Variants in DAAM1 observed in about 807,000 individuals in gnomAD.
The protein encoded by DAAM1 is dishevelled associated activator of morphogenesis 1.
A neutral mutation model predicts 130.0 loss-of-function variants in DAAM1; 52 were observed. The ratio of observed to expected loss-of-function variants is 0.40; its 90% CI spans 0.32 to 0.50. DAAM1 has a LOEUF of 0.50. DAAM1 is among the 20% of genes least tolerant of loss of function. The probability of loss-of-function intolerance (pLI) is 0.61; values close to 1 mark genes in which losing one functional copy is unlikely to be tolerated. For synonymous variants in DAAM1, 452 were observed against 444.5 expected, an observed-to-expected ratio of 1.02 and a Z score of -0.21; for missense variants, 1,134 against 1,303.8, an observed-to-expected ratio of 0.87 and a Z score of 2.01.
At chr14:59,191,876 C>T (rs1316393332) in intron 1 of DAAM1, among the ~76,000 whole-genome samples, 2 of 152,144 alleles carry the variant, frequency 1.3e-5, no homozygotes, top group Non-Finnish European at 2.9e-5. Context: ...TGAGGCAGAG[C>T]CGTTCCGTAA....
intron 15 of DAAM1, among the ~76,000 whole-genome samples, chr14:59,334,816 G>A (rs1566709984): frequency 6.6e-6 from 1 of 152,158 alleles, no homozygotes; most frequent in Non-Finnish European, 1.5e-5. Context: ...GGATGAAAAT[G>A]TGTTAAATTT....
In DAAM1 at chr14:59,368,674, C is replaced by G; in HGVS notation, c.3022C>G (p.Arg1008Gly). ...AQLKEQRERE[R>G]KMRKAKENSE... ...GCTCAAAGAACAACGTGAAAGGGAACGTAAAATGAGAAAAGCTAAAGAGAA... is the reference window on the plus strand; with the variant it reads ...GCTCAAAGAACAACGTGAAAGGGAAGGTAAAATGAGAAAAGCTAAAGAGAA... The change falls in exon 25 of 25, where the codon CGT becomes GGT. Residue 1008 changes from arginine (R) to glycine (G), a missense_variant. By Grantham distance (125) the Arg-to-Gly change is moderately radical (BLOSUM62 -2). Transcript: ENST00000360909. The G allele has an allele frequency of 1.9e-6, 3 of 1,613,178 alleles. No individual in the cohort carries two copies. Among genetic ancestry groups the G allele is most frequent in the East Asian group, 2.2e-5 (1 of 44,822 alleles).
At chr14:59,192,149 GGTGTGTGTGTGTGTGTGTGTGT>G (rs55791691) in intron 1 of DAAM1, among the ~76,000 whole-genome samples, 154 of 138,650 alleles carry the variant, frequency 1.1e-3, no homozygotes, top group African/African-American at 3.5e-3. Flanking sequence ...CTTGTTAAGG[GGTGTGTGTGTGTGTGTGTGTGT>G]GTGTGTGTGT....
chr14:59,210,891 T>C (rs1888406852), intron 1 of DAAM1, among the ~76,000 whole-genome samples: 1 of 152,234 alleles, frequency 6.6e-6, no homozygotes, highest in Non-Finnish European at 1.5e-5. Context: ...GTTTATATTA[T>C]AATGATTTAT....
chr14:59,340,293 T>A (rs1465820421), intron 16 of DAAM1, 113 bp downstream of exon 16: 1 of 910,130 alleles, frequency 1.1e-6, no homozygotes, highest in Non-Finnish European at 1.7e-6. Context: ...GTACAGTTCT[T>A]TGGATCCCCT....
chr14:59,329,304 G>A (rs12435625), intron 12 of DAAM1, among the ~76,000 whole-genome samples: 17,706 of 152,244 alleles, frequency 0.12, 1,180 homozygotes, highest in Admixed American at 0.21. Flanking sequence ...TGTGAAAGAA[G>A]AATGAAATGG....
intron 2 of DAAM1, among the ~76,000 whole-genome samples, chr14:59,269,889 A>G (rs1268756828): frequency 1.3e-5 from 2 of 152,230 alleles, no homozygotes; most frequent in Non-Finnish European, 1.5e-5. Context: ...GCATAAAAAA[A>G]CAGGAAGCTA....
intron 1 of DAAM1, among the ~76,000 whole-genome samples, chr14:59,209,114 T>C (rs919485206): frequency 6.6e-6 from 1 of 152,232 alleles, no homozygotes; most frequent in African/African-American, 2.4e-5. Context: ...CGCATGTGCA[T>C]GTTTCTCCTT....
chr14:59,329,473 T>C (rs1213276723), intron 12 of DAAM1, among the ~76,000 whole-genome samples: 1 of 152,108 alleles, frequency 6.6e-6, no homozygotes, highest in Non-Finnish European at 1.5e-5. Flanking sequence ...TTGGGGGAAC[T>C]CAGGAGAGAG....
intron 2 of DAAM1, among the ~76,000 whole-genome samples, chr14:59,275,552 CTTATT>C (rs1162213158): frequency 6.6e-6 from 1 of 152,032 alleles, no homozygotes; most frequent in Non-Finnish European, 1.5e-5. Flanking sequence ...TAGAAAAAAG[CTTATT>C]TTAGATTACC....
intron 1 of DAAM1, among the ~76,000 whole-genome samples, chr14:59,200,963 C>T (rs996284439): frequency 6.6e-6 from 1 of 152,004 alleles, no homozygotes; most frequent in African/African-American, 2.4e-5. Flanking sequence ...AGATCGAGAC[C>T]ATCCTGGCTA....
chr14:59,286,661 T>G (rs191233250), intron 2 of DAAM1, among the ~76,000 whole-genome samples: 242 of 152,216 alleles, frequency 1.6e-3, no homozygotes, highest in African/African-American at 5.2e-3. Context: ...AACACCTCTG[T>G]GCACACAAAC....
chr14:59,240,559 C>G (rs1348278802), intron 1 of DAAM1, among the ~76,000 whole-genome samples: 1 of 152,188 alleles, frequency 6.6e-6, no homozygotes, highest in Non-Finnish European at 1.5e-5. Context: ...CCTCCTCACT[C>G]CCCATCTCCC....
intron 1 of DAAM1, among the ~76,000 whole-genome samples, chr14:59,242,705 C>T (rs1349196173): frequency 6.6e-6 from 1 of 152,080 alleles, no homozygotes; most frequent in Non-Finnish European, 1.5e-5. Flanking sequence ...ACTACAGGCA[C>T]CCGCCACCAC....
intron 1 of DAAM1, among the ~76,000 whole-genome samples, chr14:59,238,752 C>T (rs2578258): frequency 0.62 from 94,579 of 152,084 alleles, 30,216 homozygotes; most frequent in Non-Finnish European, 0.7. Context: ...AATATTACTT[C>T]TGAATATTTT....
chr14:59,317,358 T>C (rs887555175), intron 4 of DAAM1, among the ~76,000 whole-genome samples: 1 of 151,996 alleles, frequency 6.6e-6, no homozygotes, highest in Admixed American at 6.6e-5. Flanking sequence ...CTATGCTGAG[T>C]TTTCTGTTTT....
At chr14:59,269,823 G>C (rs1882630531) in intron 2 of DAAM1, among the ~76,000 whole-genome samples, 1 of 152,172 alleles carries the variant, frequency 6.6e-6, no homozygotes, top group Non-Finnish European at 1.5e-5. Context: ...AAGTGCTAGA[G>C]AGTGAGAGAA....
At position 59,347,584 on chromosome 14, in the gene DAAM1, G is replaced by C. The variant is rs1186799752; in HGVS notation, c.2121G>C (p.Met707Ile). ...AAATCAAACGGGCAATTCTAACAAT[G>C]GACGAACAGGAAGATCTGCCCAAGG... ...NDEIKRAILT[M>I]DEQEDLPKDM... Residue 707 changes from methionine (M) to isoleucine (I), a missense_variant, in exon 17 of 25, where the codon ATG becomes ATC. Physicochemically the swap from Met to Ile is conservative, Grantham distance 10 (BLOSUM62 1). This residue lies in a region of DAAM1 where 644 missense variants were observed against 695.9 expected (regional missense o/e 0.93). Coordinates refer to ENST00000360909, the MANE Select transcript of DAAM1 (RefSeq NM_001270520.2). 1 of 1,613,774 alleles carries C rather than the reference G, an allele frequency of 6.2e-7. No homozygotes were observed. The highest frequency in any genetic ancestry group is 1.3e-5 in the African/African-American group (1 of 74,904).
chr14:59,330,813 A>G lies in DAAM1; in HGVS notation c.1560+125A>G, dbSNP rs543115622. 7.5e-5 allele frequency: 74 copies of G among 988,002 alleles called. No individual in the cohort carries two copies. The Admixed American group carries it at 2.1e-3, about 29-fold the overall frequency. The allele number at this position is 988,002 out of a possible 1,614,324, so 61.2% of individuals were successfully genotyped here. A position where few individuals can be genotyped will look rare whatever the true frequency, so the allele number is the denominator to read the frequency against. On this transcript the variant is annotated intron_variant, in intron 13 of 24. Transcript: ENST00000360909. ...CTGAAATGGCTCATGATTCATCACA[A>G]TTAGGAGACTCACTCCCTCTGCTAT...
Sources: gnomAD v4.1 joint callset for allele counts (sites outside exome capture counted in the v4.1 genomes callset) on GRCh38, gnomAD v4.1.1 for gene constraint, gnomAD v4.1.1 regional missense constraint, MANE v1.5 for transcripts, NCBI Gene and HGNC (gene_info 2026-07-23, HGNC 2026-07-21) for gene names.